Variants in CACNA1D observed in about 807,000 individuals in gnomAD.
The protein encoded by CACNA1D is calcium voltage-gated channel subunit alpha1 D.
In CACNA1D, 55 loss-of-function variants were observed where a neutral mutation model predicts 257.1. That is an observed-to-expected ratio of 0.21 (90% CI 0.17 to 0.27). The LOEUF (loss-of-function observed/expected upper bound fraction) is 0.27. Among genes scored for constraint, CACNA1D ranks in the 10% least tolerant of loss-of-function variants. The pLI is 1.00. For synonymous variants in CACNA1D, 980 were observed against 1,014.9 expected, an observed-to-expected ratio of 0.97 and a Z score of 0.65; for missense variants, 1,876 against 2,784.0, an observed-to-expected ratio of 0.67 and a Z score of 7.34.
chr3:53,658,740 A>G (rs528561874), intron 4 of CACNA1D, among the ~76,000 whole-genome samples: 4 of 152,362 alleles, frequency 2.6e-5, no homozygotes, highest in Admixed American at 2.0e-4. Flanking sequence ...TTTAAAAACT[A>G]TGCTGAAGAG....
intron 4 of CACNA1D, among the ~76,000 whole-genome samples, chr3:53,655,184 T>C (rs1250201194): frequency 6.6e-6 from 1 of 152,242 alleles, no homozygotes; most frequent in Non-Finnish European, 1.5e-5. Context: ...TTCCTTGGTG[T>C]ATGTGTATCA....
chr3:53,592,237 G>A (rs535129450), intron 3 of CACNA1D, among the ~76,000 whole-genome samples: 4 of 152,314 alleles, frequency 2.6e-5, no homozygotes, highest in South Asian at 2.1e-4. Flanking sequence ...CAGGAAAGAC[G>A]TCTTTAATGA....
At chr3:53,802,881 G>C (rs1366422424) in intron 43 of CACNA1D, among the ~76,000 whole-genome samples, 3 of 152,184 alleles carry the variant, frequency 2.0e-5, no homozygotes, top group African/African-American at 7.2e-5. Context: ...CATTCCTGGG[G>C]CAGGGCAGCC....
At position 53,812,741 on chromosome 3, in the gene CACNA1D, T is replaced by C. The variant is rs2095606105; in HGVS notation, c.*1335T>C. The stretch of plus-strand genomic sequence containing the variant: ...GGTGGATGAGATATAGCTGCTCTTG[T>C]CCTCTGGGGACTGGTGGTGCTGCTT... On this transcript the variant is annotated 3_prime_UTR_variant, in exon 48 of 48. Transcript: ENST00000350061. 1.3e-5 allele frequency: 2 copies of C among 152,266 alleles called. No individual in the cohort carries two copies. Among genetic ancestry groups the C allele is most frequent in the Non-Finnish European group, 2.9e-5 (2 of 68,066 alleles). 9.4% of individuals were successfully genotyped at this position (152,266 alleles called of 1,614,324 possible).
intron 3 of CACNA1D, among the ~76,000 whole-genome samples, chr3:53,612,100 A>T (rs1017601793): frequency 6.6e-6 from 1 of 152,242 alleles, no homozygotes; most frequent in Non-Finnish European, 1.5e-5. Flanking sequence ...TTCATTATGC[A>T]TGTTTTTAAA....
intron 3 of CACNA1D, among the ~76,000 whole-genome samples, chr3:53,552,379 TTC>T (rs1180179817): frequency 1.3e-5 from 2 of 150,128 alleles, no homozygotes; most frequent in Admixed American, 6.6e-5. Context: ...CCAATTCCCT[TTC>T]TTTCTTTTTC....
intron 3 of CACNA1D, among the ~76,000 whole-genome samples, chr3:53,633,372 G>A (rs1007754964): frequency 4.6e-5 from 7 of 152,152 alleles, no homozygotes; most frequent in Admixed American, 1.3e-4. Context: ...TTACGGTCCC[G>A]GCTGCTCGGG....
chr3:53,718,491 T>C, intron 10 of CACNA1D, 103 bp downstream of exon 10: 1 of 1,183,976 alleles, frequency 8.4e-7, no homozygotes, highest in Non-Finnish European at 1.2e-6. Context: ...GGCCATCGCC[T>C]TGGGTGTGGC....
chr3:53,698,997 T>C (rs2094597276), intron 8 of CACNA1D, among the ~76,000 whole-genome samples: 3 of 152,234 alleles, frequency 2.0e-5, no homozygotes, highest in Non-Finnish European at 2.9e-5. Context: ...CTCTTAGTAA[T>C]AGGATTCTTA....
intron 3 of CACNA1D, among the ~76,000 whole-genome samples, chr3:53,621,188 A>G (rs2093693264): frequency 6.6e-6 from 1 of 152,180 alleles, no homozygotes; most frequent in Non-Finnish European, 1.5e-5. Context: ...AGAAATCAAT[A>G]TGGACGGGAC....
intron 29 of CACNA1D, among the ~76,000 whole-genome samples, chr3:53,755,138 G>A (rs1283704431): frequency 1.3e-5 from 2 of 152,120 alleles, no homozygotes; most frequent in African/African-American, 4.8e-5. Flanking sequence ...ATATTTGTCT[G>A]GACTGATGGA....
intron 45 of CACNA1D, among the ~76,000 whole-genome samples, chr3:53,807,229 C>T (rs1357454602): frequency 6.6e-6 from 1 of 152,190 alleles, no homozygotes; most frequent in Non-Finnish European, 1.5e-5. Context: ...TCCCAGCCCC[C>T]AGCCCGGCCA....
rs545367514 is a variant in CACNA1D at position 53,665,639 on chromosome 3, AT to A, written c.767-12del. 735 of 1,569,546 alleles carry A rather than the reference AT, an allele frequency of 4.7e-4. 1 individual carries two copies. Among genetic ancestry groups the A allele is most frequent in the Middle Eastern group, 6.8e-4 (4 of 5,918 alleles). ...GAGTGCCTTCCTGGCTCACAAACTT[AT>A]TTTTTTTTGTCTTTCCTAGGTTTAC... On this transcript the variant is annotated intron_variant, in intron 5 of 47. Coordinates refer to ENST00000350061, the MANE Select transcript of CACNA1D (RefSeq NM_001128840.3).
intron 3 of CACNA1D, among the ~76,000 whole-genome samples, chr3:53,611,954 A>AT (rs1228786522): frequency 6.6e-6 from 1 of 152,226 alleles, no homozygotes; most frequent in Admixed American, 6.5e-5. Flanking sequence ...ACGGTCTGGG[A>AT]TTAGGTCTAT....
rs772689271 is a variant in CACNA1D at position 53,666,457 on chromosome 3, C to T, written c.1038C>T (p.Asn346=). The change falls in exon 7 of 48, where the codon AAC becomes AAT. Residue 346 remains asparagine, a synonymous_variant. Coordinates refer to ENST00000350061, the MANE Select transcript of CACNA1D (RefSeq NM_001128840.3). ...GWVGPNGGIT[N]FDNFAFAMLT... ...TTGGCCCGAACGGAGGCATCACCAA[C>T]TTTGATAACTTTGCCTTTGCCATGC... The T allele has an allele frequency of 6.2e-7, 1 of 1,614,166 alleles. No individual in the cohort carries two copies. The highest frequency in any genetic ancestry group is 8.5e-7 in the Non-Finnish European group (1 of 1,180,008).
intron 8 of CACNA1D, among the ~76,000 whole-genome samples, chr3:53,701,767 G>T (rs767412572): frequency 6.6e-6 from 1 of 152,226 alleles, no homozygotes; most frequent in Admixed American, 6.5e-5. Context: ...AGGCTTGCCT[G>T]AGTATGTGGG....
rs567632635 is a variant in CACNA1D, at chr3:53,804,404, A to T, written c.5586-579A>T. On this transcript the variant is annotated intron_variant, in intron 44 of 47. Transcript: ENST00000350061. ...CTGTGGCCCCTGCTTGGATGCCCTC[A>T]CTCCGTCTGCTGGCCTCATCCCCCC... 3.2e-4 allele frequency among the ~76,000 whole-genome samples: 49 copies of T among 151,274 alleles called. 1 individual carries two copies. The highest frequency in any genetic ancestry group is 5.0e-4 in the Non-Finnish European group (34 of 67,854).
intron 3 of CACNA1D, among the ~76,000 whole-genome samples, chr3:53,511,489 T>C (rs1194257001): frequency 6.6e-6 from 1 of 152,170 alleles, no homozygotes; most frequent in Non-Finnish European, 1.5e-5. Flanking sequence ...TTGTGTAAGG[T>C]ACATTGTTGG....
chr3:53,766,031 G>C (rs114981505), intron 30 of CACNA1D: 1 of 152,260 alleles, frequency 6.6e-6, no homozygotes, highest in Non-Finnish European at 1.5e-5. Flanking sequence ...ATGGATGGCT[G>C]TCACTGACAT....
Sources: allele counts gnomAD v4.1 joint callset (sites outside exome capture counted in the v4.1 genomes callset), GRCh38; gene constraint gnomAD v4.1.1; transcripts MANE v1.5; gene names NCBI Gene and HGNC (gene_info 2026-07-23, HGNC 2026-07-21).